The following FBXL5 variants were observed in gnomAD, a reference collection of about 807,000 sequenced individuals.
FBXL5 encodes F-box/LRR-repeat protein 5.
Under a neutral mutation model 78.3 loss-of-function variants are expected in FBXL5, and 26 were observed. That is an observed-to-expected ratio of 0.33 (90% CI 0.24 to 0.46). The LOEUF is 0.46. FBXL5 is among the 20% of genes least tolerant of loss of function. The pLI is 1.00. For missense variants in FBXL5, 710 were observed against 829.2 expected (o/e 0.86, Z 1.77); for synonymous variants, 295 against 282.5 (o/e 1.04, Z -0.45).
At chr4:15,622,378 C>T (rs971592030) in intron 9 of FBXL5, among the ~76,000 whole-genome samples, 4 of 152,040 alleles carry the variant, frequency 2.6e-5, no homozygotes, top group African/African-American at 9.7e-5. Flanking sequence ...ACAATGAATG[C>T]AAAAAGAGTT....
At chr4:15,674,672 C>CA (rs1436280313) in intron 1 of FBXL5, among the ~76,000 whole-genome samples, 1 of 147,156 alleles carries the variant, frequency 6.8e-6, no homozygotes, top group East Asian at 2.0e-4. Context: ...TTTTTTGAGA[C>CA]AGAGTCTCAC....
intron 6 of FBXL5, 125 bp downstream of exon 6, chr4:15,630,541 A>C (rs1473072008): frequency 1.3e-6 from 1 of 784,204 alleles, no homozygotes; most frequent in African/African-American, 1.8e-5. Context: ...AAAAAGTAGT[A>C]GGCTTAGAAA....
chr4:15,640,066 G>T (rs753449584), intron 3 of FBXL5, among the ~76,000 whole-genome samples: 1 of 151,980 alleles, frequency 6.6e-6, no homozygotes, highest in Non-Finnish European at 1.5e-5. Flanking sequence ...TTGGAGACAC[G>T]GTCTTGCTCT....
At chr4:15,612,865 A>G (rs1333710784) in intron 9 of FBXL5, among the ~76,000 whole-genome samples, 1 of 152,220 alleles carries the variant, frequency 6.6e-6, no homozygotes, top group Non-Finnish European at 1.5e-5. Flanking sequence ...TATACCCAAG[A>G]GAATTAAAAC....
chr4:15,668,946 T>C (rs1717653190), intron 1 of FBXL5, among the ~76,000 whole-genome samples: 1 of 152,194 alleles, frequency 6.6e-6, no homozygotes, highest in African/African-American at 2.4e-5. Context: ...TGCAGAACAT[T>C]TGGAAGCAAT....
chr4:15,648,584 C>T (rs1044305071), intron 1 of FBXL5, among the ~76,000 whole-genome samples: 3 of 151,928 alleles, frequency 2.0e-5, no homozygotes, highest in Admixed American at 6.6e-5. Flanking sequence ...CATAGATGAA[C>T]CTGGAAGACA....
intron 1 of FBXL5, among the ~76,000 whole-genome samples, chr4:15,652,517 G>T (rs1457065340): frequency 6.6e-6 from 1 of 152,088 alleles, no homozygotes; most frequent in African/African-American, 2.4e-5. Flanking sequence ...AGAAATCCAT[G>T]GGCAAAGTAT....
chr4:15,624,054 GACCTCGTGATCC>G (rs747649063), intron 9 of FBXL5, among the ~76,000 whole-genome samples: 3 of 151,962 alleles, frequency 2.0e-5, no homozygotes, highest in Non-Finnish European at 4.4e-5. Context: ...TCAATCTCCT[GACCTCGTGATCC>G]ACCAGCCTTG....
Position 15,636,685 on chromosome 4 carries a change from A to G in FBXL5, c.584-9T>C. The G allele has an allele frequency of 3.9e-6, 6 of 1,535,094 alleles. No individual in the cohort carries two copies. Among genetic ancestry groups the G allele is most frequent in the Non-Finnish European group, 5.2e-6 (6 of 1,143,200 alleles). On this transcript the variant is annotated splice_polypyrimidine_tract_variant and intron_variant, in intron 4 of 10. Coordinates refer to ENST00000341285, the MANE Select transcript of FBXL5 (RefSeq NM_012161.4). Reference sequence around the variant, plus strand: ...TTCTGACACTTCTGCTTCTGAAATAAAAAAGAAAAACTTTACCAGTAAAGG... The same window carrying G: ...TTCTGACACTTCTGCTTCTGAAATAGAAAAGAAAAACTTTACCAGTAAAGG...
At chr4:15,663,030 T>C (rs1717388424), upstream of FBXL5, among the ~76,000 whole-genome samples, 1 of 152,192 alleles carries the variant, frequency 6.6e-6, no homozygotes, top group Non-Finnish European at 1.5e-5. Context: ...CAAATGTAAC[T>C]TTCTAATTTG....
At chr4:15,658,545 A>G (rs1461505667), upstream of FBXL5, among the ~76,000 whole-genome samples, 1 of 152,170 alleles carries the variant, frequency 6.6e-6, no homozygotes, top group Non-Finnish European at 1.5e-5. Context: ...CAAGAGGAAG[A>G]AAGACCTGTG....
chr4:15,624,343 T>C (rs1490233460), intron 9 of FBXL5, among the ~76,000 whole-genome samples: 1 of 152,136 alleles, frequency 6.6e-6, no homozygotes, highest in African/African-American at 2.4e-5. Flanking sequence ...TATATATTCC[T>C]CTTACATAAG....
At chr4:15,624,870 G>A (rs6414765) in intron 9 of FBXL5, among the ~76,000 whole-genome samples, 96,129 of 151,998 alleles carry the variant, frequency 0.63, 30,508 homozygotes, top group Non-Finnish European at 0.65. Flanking sequence ...AAAACCCTCA[G>A]TATAAAACTA....
chr4:15,671,435 T>G (rs1170973025), intron 1 of FBXL5, among the ~76,000 whole-genome samples: 1 of 151,930 alleles, frequency 6.6e-6, no homozygotes, highest in Admixed American at 6.6e-5. Context: ...TATGGTGTAC[T>G]CTGGTTTGGG....
intron 1 of FBXL5, among the ~76,000 whole-genome samples, chr4:15,651,699 C>A (rs923018125): frequency 1.3e-5 from 2 of 152,170 alleles, no homozygotes; most frequent in Admixed American, 6.5e-5. Context: ...ATAAAATGTC[C>A]TATCTGTATA....
intron 10 of FBXL5, among the ~76,000 whole-genome samples, chr4:15,610,194 T>A (rs1275832630): frequency 6.6e-6 from 1 of 152,030 alleles, no homozygotes; most frequent in African/African-American, 2.4e-5. Flanking sequence ...GGAACAAGTG[T>A]CATCTTGCAA....
upstream of FBXL5, chr4:15,656,252 C>A (rs747376110): frequency 2.2e-6 from 1 of 456,216 alleles, no homozygotes; most frequent in South Asian, 1.5e-5. Flanking sequence ...TGCCTCTTTC[C>A]CATAAATCGC....
In FBXL5 at chr4:15,667,022, A is replaced by G. The variant is rs370257989; in HGVS notation, c.-283-7100T>C. 2.0e-5 allele frequency among the ~76,000 whole-genome samples: 3 copies of G among 152,242 alleles called. No individual in the cohort carries two copies. The East Asian group carries it at 5.8e-4, about 29-fold the overall frequency. ...CAATCAAAATAATCGTAATTTTAAA[A>G]TTACTGGATGTTGCATAGTTTCTAG... On this transcript the variant is annotated intron_variant, in intron 1 of 4. Transcript: ENST00000507899.
At chr4:15,639,909 T>G (rs1343476187) in intron 3 of FBXL5, among the ~76,000 whole-genome samples, 2 of 152,242 alleles carry the variant, frequency 1.3e-5, no homozygotes, top group Non-Finnish European at 2.9e-5. Context: ...ATTCCGTTCC[T>G]CATAAAATAA....
Sources: allele counts gnomAD v4.1 joint callset (sites outside exome capture counted in the v4.1 genomes callset), GRCh38; gene constraint gnomAD v4.1.1; transcripts MANE v1.5; gene names NCBI Gene and HGNC (gene_info 2026-07-23, HGNC 2026-07-21).